ANKH: variants seen among roughly 807,000 people sequenced by gnomAD.
The protein encoded by ANKH is mineralization regulator ANKH.
ANKH carries 15 observed loss-of-function variants against 49.0 expected under a neutral mutation model. That is an observed-to-expected ratio of 0.31 (90% confidence interval 0.20 to 0.47). ANKH has a LOEUF of 0.47. ANKH is among the 20% of genes least tolerant of loss of function. The probability of loss-of-function intolerance (pLI) is 1.00; values close to 1 mark genes in which losing one functional copy is unlikely to be tolerated. For missense variants in ANKH, 429 were observed against 652.0 expected (o/e 0.66, Z 3.72); for synonymous variants, 273 against 260.0 (o/e 1.05, Z -0.48).
chr5:14,740,495 G>A (rs1738320071), intron 8 of ANKH, among the ~76,000 whole-genome samples: 1 of 152,184 alleles, frequency 6.6e-6, no homozygotes, highest in East Asian at 1.9e-4. Flanking sequence ...GTGAGGCAGT[G>A]CTGGAATAGG....
intron 1 of ANKH, among the ~76,000 whole-genome samples, chr5:14,778,054 G>C (rs1739688201): frequency 6.6e-6 from 1 of 152,308 alleles, no homozygotes; most frequent in South Asian, 2.1e-4. Context: ...CACCTGAGAT[G>C]GCACTGCATG....
In ANKH at chr5:14,745,793, C is replaced by T; in HGVS notation, c.915+77G>A. 8.0e-7 allele frequency: 1 copy of T among 1,246,140 alleles called. No homozygotes were observed. The allele number at this position is 1,246,140 out of a possible 1,614,324, so 77.2% of individuals were successfully genotyped here. Reference sequence around the variant, plus strand: ...GCAGGACTGAGAAGCAACAAAGTGTCCCTCATCAGAGAGCCCTGTCTATCA... The same window carrying T: ...GCAGGACTGAGAAGCAACAAAGTGTTCCTCATCAGAGAGCCCTGTCTATCA... On this transcript the variant is annotated intron_variant, in intron 7 of 11. Transcript: ENST00000284268. This position sits in a 1 kb window ranked among gnomAD's most constrained non-coding sequence, Gnocchi z 4.7.
intron 8 of ANKH, among the ~76,000 whole-genome samples, chr5:14,727,361 A>T (rs1737854270): frequency 6.6e-6 from 1 of 152,124 alleles, no homozygotes; most frequent in Admixed American, 6.6e-5. Context: ...TTTTATAACC[A>T]GCTTTTTGAA....
In ANKH at chr5:14,824,252, T is replaced by C. The variant is rs552995558; in HGVS notation, c.96+47100A>G. 4.6e-5 allele frequency among the ~76,000 whole-genome samples: 7 copies of C among 152,250 alleles called. No individual in the cohort carries two copies. The South Asian group carries it at 6.2e-4, about 14-fold the overall frequency. ...CAGATTTTTTTGGAAAAAAAATTAG[T>C]CAAGTTAATCAAGCAGATCTAGCCT... On this transcript the variant is annotated intron_variant, in intron 1 of 11. Transcript: ENST00000284268.
intron 1 of ANKH, among the ~76,000 whole-genome samples, chr5:14,769,961 G>A (rs1739383321): frequency 6.6e-6 from 1 of 152,082 alleles, no homozygotes; most frequent in African/African-American, 2.4e-5. Context: ...GGCCTTGGTG[G>A]GATGGTACTT....
In ANKH at chr5:14,849,831, G is replaced by A. The variant is rs548489408; in HGVS notation, c.96+21521C>T. The stretch of plus-strand genomic sequence containing the variant: ...CGCTGCTTGTCACGGTCACTCGGAT[G>A]TGCATCCTCAAAAGAAGGTGGTCTT... On this transcript the variant is annotated intron_variant, in intron 1 of 11. Coordinates refer to ENST00000284268, the MANE Select transcript of ANKH (RefSeq NM_054027.6). Among the ~76,000 whole-genome samples the A allele has an allele frequency of 2.0e-5, 3 of 152,290 alleles. No individual in the cohort carries two copies. In the South Asian group the frequency reaches 6.2e-4, roughly 32 times the overall value.
chr5:14,711,224 GATGTCTGTCACCTCCTCTGTCGGAGGC>G lies in ANKH; in HGVS notation c.1425_1451del (p.Met475_Asp483del), dbSNP rs772788300. ...ATTCATTCTCCTCTCTCATTTCCAC[GATGTCTGTCACCTCCTCTGTCGGAGGC>G]ATGTCTGTCATGGCAGAGTCTTCCC... On this transcript the variant is annotated inframe_deletion, in exon 12 of 12. Transcript: ENST00000284268. 5.0e-6 allele frequency: 8 copies of G among 1,613,924 alleles called. No homozygotes were observed. The East Asian group carries it at 8.9e-5, about 18-fold the overall frequency.
chr5:14,800,698 T>C (rs1483339688), intron 1 of ANKH, among the ~76,000 whole-genome samples: 1 of 152,032 alleles, frequency 6.6e-6, no homozygotes, highest in South Asian at 2.1e-4. Flanking sequence ...TAATTGACTA[T>C]AGTATAGAGC....
At chr5:14,814,229 C>T (rs1382969166) in intron 1 of ANKH, among the ~76,000 whole-genome samples, 1 of 152,222 alleles carries the variant, frequency 6.6e-6, no homozygotes, top group Admixed American at 6.5e-5. Flanking sequence ...GTCTCCTCCA[C>T]ATAAACAACG....
At chr5:14,861,096 G>A (rs1175192136) in intron 1 of ANKH, among the ~76,000 whole-genome samples, 5 of 152,068 alleles carry the variant, frequency 3.3e-5, no homozygotes, top group Non-Finnish European at 7.4e-5. Flanking sequence ...TTTTTTAAGT[G>A]AAGCAAGGGT....
intron 1 of ANKH, among the ~76,000 whole-genome samples, chr5:14,847,558 C>G (rs1050322002): frequency 4.6e-5 from 7 of 152,192 alleles, no homozygotes; most frequent in Non-Finnish European, 7.4e-5. Context: ...TCTGGGCAGG[C>G]CTGGTCCTTC....
At chr5:14,728,994 G>A (rs1397406340) in intron 8 of ANKH, among the ~76,000 whole-genome samples, 3 of 152,194 alleles carry the variant, frequency 2.0e-5, no homozygotes, top group Non-Finnish European at 4.4e-5. Flanking sequence ...TGGGAGTGGA[G>A]GAGCCCATCC....
In ANKH at chr5:14,841,842, A is replaced by G. The variant is rs1741824202; in HGVS notation, c.96+29510T>C. Among the ~76,000 whole-genome samples the G allele has an allele frequency of 2.0e-5, 3 of 152,126 alleles. No individual in the cohort carries two copies. The South Asian group carries it at 6.2e-4, about 32-fold the overall frequency. ...GAATAAAATTAGACAGTATTTGTCT[A>G]TTTGTGACCGGCTTATTTCACCTAT... On this transcript the variant is annotated intron_variant, in intron 1 of 11. Transcript: ENST00000284268.
intron 8 of ANKH, chr5:14,724,461 T>C: frequency 1.3e-6 from 1 of 775,108 alleles, no homozygotes; most frequent in Non-Finnish European, 1.6e-6. Flanking sequence ...CATGAAAAAC[T>C]TTGACCACAT....
chr5:14,712,837 T>C, intron 11 of ANKH, 37 bp downstream of exon 11: 2 of 1,562,836 alleles, frequency 1.3e-6, no homozygotes, highest in Non-Finnish European at 1.7e-6. Context: ...CCCAGGAGGA[T>C]GCACCCGGGA....
At chr5:14,729,281 G>A (rs1351708884) in intron 8 of ANKH, among the ~76,000 whole-genome samples, 1 of 151,940 alleles carries the variant, frequency 6.6e-6, no homozygotes, top group Non-Finnish European at 1.5e-5. Context: ...TCGAACTCCC[G>A]ACCTCAGGTG....
At chr5:14,784,933 C>T (rs1739925411) in intron 1 of ANKH, among the ~76,000 whole-genome samples, 1 of 152,124 alleles carries the variant, frequency 6.6e-6, no homozygotes. Flanking sequence ...TGAGATGTGC[C>T]CACCAATAGC....
Position 14,713,420 on chromosome 5 carries a change from T to A in ANKH, c.1265+124A>T. 7.2e-7 allele frequency: 1 copy of A among 1,390,420 alleles called. No individual in the cohort carries two copies. The highest frequency in any genetic ancestry group is 1.0e-6 in the Non-Finnish European group (1 of 1,002,244). 86.1% of individuals were successfully genotyped at this position (1,390,420 alleles called of 1,614,324 possible). On this transcript the variant is annotated intron_variant, in intron 10 of 11. Coordinates refer to ENST00000284268, the MANE Select transcript of ANKH (RefSeq NM_054027.6). This position sits in a 1 kb window ranked among gnomAD's most constrained non-coding sequence, Gnocchi z 4.4. Reference sequence around the variant, plus strand: ...GGTGCCTGGGCAGACACACAAAACATCATTCTGAATTTCCGATTCTAGACG... The same window carrying A: ...GGTGCCTGGGCAGACACACAAAACAACATTCTGAATTTCCGATTCTAGACG...
intron 6 of ANKH, among the ~76,000 whole-genome samples, chr5:14,746,765 A>C (rs540975365): frequency 6.6e-6 from 1 of 152,310 alleles, no homozygotes; most frequent in South Asian, 2.1e-4. Context: ...GACAGCTTGG[A>C]GGTTGGAAGC....
Sources: gnomAD v4.1 joint callset for allele counts (sites outside exome capture counted in the v4.1 genomes callset) on GRCh38, gnomAD v4.1.1 for gene constraint, Gnocchi (gnomAD v3.1) non-coding constraint, MANE v1.5 for transcripts, NCBI Gene and HGNC (gene_info 2026-07-23, HGNC 2026-07-21) for gene names.